SLC9A9: variants seen among roughly 807,000 people sequenced by gnomAD.
SLC9A9 encodes solute carrier family 9 member A9, also known as sodium/hydrogen exchanger 9.
Under a neutral mutation model 77.8 loss-of-function variants are expected in SLC9A9, and 62 were observed. The ratio of observed to expected loss-of-function variants is 0.80; its 90% confidence interval spans 0.65 to 0.98. The LOEUF (loss-of-function observed/expected upper bound fraction) is 0.98. Among genes scored for constraint, SLC9A9 ranks in the 50% least tolerant of loss-of-function variants. SLC9A9 has a pLI of 0.00. For synonymous variants in SLC9A9, 320 were observed against 283.5 expected (o/e 1.13, Z -1.29); for missense variants, 775 against 774.9 (o/e 1.00, Z 0.00).
At chr3:143,652,816 T>C (rs1483739812) in intron 5 of SLC9A9, among the ~76,000 whole-genome samples, 1 of 67,792 alleles carries the variant, frequency 1.5e-5, no homozygotes, top group African/African-American at 6.5e-5. Flanking sequence ...CACACACTTC[T>C]TGCTACCAAG....
intron 4 of SLC9A9, among the ~76,000 whole-genome samples, chr3:143,756,132 C>T (rs147020050): frequency 1.1e-3 from 167 of 152,220 alleles, no homozygotes; most frequent in African/African-American, 3.8e-3. Flanking sequence ...TGTACCCACA[C>T]GATGTCAAAC....
intron 8 of SLC9A9, among the ~76,000 whole-genome samples, chr3:143,572,738 C>A (rs1314476243): frequency 6.6e-6 from 1 of 152,172 alleles, no homozygotes; most frequent in Non-Finnish European, 1.5e-5. Context: ...GTATTGGCAG[C>A]AAACACCCTT....
At position 143,805,339 on chromosome 3, in the gene SLC9A9, G is replaced by A. The variant is rs1310894176; in HGVS notation, c.379-8436C>T. On this transcript the variant is annotated intron_variant, in intron 2 of 15. Coordinates refer to ENST00000316549, the MANE Select transcript of SLC9A9 (RefSeq NM_173653.4). ...CTCTTTCACTCTAGGTTCCCACACT[G>A]CCCCTAATCCTGCTGGAAGCAGCCC... Among the ~76,000 whole-genome samples the A allele has an allele frequency of 3.9e-5, 6 of 151,910 alleles. No individual in the cohort carries two copies. The Middle Eastern group carries it at 0.01, about 258-fold the overall frequency.
chr3:143,634,654 TCA>T (rs541354025), intron 6 of SLC9A9, among the ~76,000 whole-genome samples: 4 of 151,904 alleles, frequency 2.6e-5, no homozygotes, highest in East Asian at 1.9e-4. Flanking sequence ...GTTTATTGCT[TCA>T]CACACACACA....
intron 5 of SLC9A9, among the ~76,000 whole-genome samples, chr3:143,670,558 T>C (rs2039141458): frequency 6.6e-6 from 1 of 152,188 alleles, no homozygotes; most frequent in Non-Finnish European, 1.5e-5. Flanking sequence ...GGTGACGTCG[T>C]CTGTGGCCCT....
intron 4 of SLC9A9, among the ~76,000 whole-genome samples, chr3:143,734,012 C>T (rs969201644): frequency 3.3e-5 from 5 of 152,060 alleles, no homozygotes; most frequent in African/African-American, 1.2e-4. Context: ...GCCTGGGAAA[C>T]ATAGCAAGAC....
intron 12 of SLC9A9, among the ~76,000 whole-genome samples, chr3:143,460,118 C>A (rs2035164301): frequency 6.6e-6 from 1 of 152,128 alleles, no homozygotes; most frequent in African/African-American, 2.4e-5. Flanking sequence ...CTCTCTCTTT[C>A]TTATTTTATA....
At chr3:143,292,087 A>G (rs2030021489) in intron 14 of SLC9A9, among the ~76,000 whole-genome samples, 1 of 152,194 alleles carries the variant, frequency 6.6e-6, no homozygotes, top group Non-Finnish European at 1.5e-5. Flanking sequence ...GCCATGAGCC[A>G]GGAGCTTTAG....
chr3:143,324,834 A>C (rs1344109424), intron 14 of SLC9A9, among the ~76,000 whole-genome samples: 1 of 152,140 alleles, frequency 6.6e-6, no homozygotes, highest in Non-Finnish European at 1.5e-5. Context: ...AAAAAACAGT[A>C]GCTTATTTCC....
chr3:143,299,869 T>G (rs916399533), intron 14 of SLC9A9, among the ~76,000 whole-genome samples: 3 of 152,216 alleles, frequency 2.0e-5, no homozygotes, highest in African/African-American at 7.2e-5. Flanking sequence ...CTGAGCCTTA[T>G]CCTGGCTTTA....
intron 14 of SLC9A9, among the ~76,000 whole-genome samples, chr3:143,298,856 T>C (rs1309655684): frequency 1.3e-5 from 2 of 152,196 alleles, no homozygotes; most frequent in East Asian, 1.9e-4. Context: ...TTTTTACCTT[T>C]TCTGCTGGAG....
chr3:143,508,168 A>C (rs2036058813), intron 9 of SLC9A9, among the ~76,000 whole-genome samples: 1 of 152,214 alleles, frequency 6.6e-6, no homozygotes, highest in South Asian at 2.1e-4. Context: ...TTAAGACATG[A>C]CTGAGGATAC....
intron 1 of SLC9A9, among the ~76,000 whole-genome samples, chr3:143,834,571 CT>C (rs5853131): frequency 0.011 from 1,299 of 116,900 alleles, 24 homozygotes; most frequent in African/African-American, 0.039. Flanking sequence ...GCGAGGCACT[CT>C]TTTTTTTTTT....
At chr3:143,305,872 C>G (rs958019597) in intron 14 of SLC9A9, among the ~76,000 whole-genome samples, 1 of 152,178 alleles carries the variant, frequency 6.6e-6, no homozygotes, top group African/African-American at 2.4e-5. Context: ...TGGCTTGTCT[C>G]AATTTCTCAG....
At chr3:143,366,571 T>C (rs564258852) in intron 13 of SLC9A9, among the ~76,000 whole-genome samples, 5 of 152,226 alleles carry the variant, frequency 3.3e-5, no homozygotes, top group Non-Finnish European at 7.3e-5. Context: ...GCTGGTCTCT[T>C]AGGTCCTAAT....
intron 9 of SLC9A9, among the ~76,000 whole-genome samples, chr3:143,496,721 G>C (rs1269814201): frequency 2.0e-5 from 3 of 152,176 alleles, no homozygotes; most frequent in Non-Finnish European, 4.4e-5. Context: ...AAAAATGTAG[G>C]GGACAGGGAA....
At chr3:143,296,562 T>C (rs2108422819) in intron 14 of SLC9A9, among the ~76,000 whole-genome samples, 1 of 152,362 alleles carries the variant, frequency 6.6e-6, no homozygotes, top group East Asian at 1.9e-4. Flanking sequence ...CTTTCAATTC[T>C]TTTGGGTATA....
intron 8 of SLC9A9, among the ~76,000 whole-genome samples, chr3:143,567,771 G>T (rs552748067): frequency 3.5e-3 from 532 of 152,232 alleles, no homozygotes; most frequent in Non-Finnish European, 5.6e-3. Flanking sequence ...TGAGCAAGCT[G>T]CTTACACTGA....
intron 2 of SLC9A9, among the ~76,000 whole-genome samples, chr3:143,811,454 A>T (rs539151866): frequency 6.6e-6 from 1 of 152,198 alleles, no homozygotes; most frequent in Admixed American, 6.5e-5. Flanking sequence ...TATTCGTACT[A>T]TGGGCATGAA....
Sources: gnomAD v4.1 joint callset for allele counts (sites outside exome capture counted in the v4.1 genomes callset) on GRCh38, gnomAD v4.1.1 for gene constraint, MANE v1.5 for transcripts, NCBI Gene and HGNC (gene_info 2026-07-23, HGNC 2026-07-21) for gene names.